The following COP1 variants were observed in gnomAD, a reference collection of about 807,000 sequenced individuals.
COP1 encodes COP1 E3 ubiquitin ligase.
Under a neutral mutation model 101.3 loss-of-function variants are expected in COP1, and 24 were observed. That is an observed-to-expected ratio of 0.24 (90% CI 0.17 to 0.33). The LOEUF is 0.33. Among genes scored for constraint, COP1 ranks in the 10% least tolerant of loss-of-function variants. The pLI is 1.00. For synonymous variants in COP1, 347 were observed against 341.9 expected (o/e 1.01, Z -0.17); for missense variants, 663 against 906.2 (o/e 0.73, Z 3.45).
At chr1:176,042,730 C>CAAAAAAAAAAAAAAAAAAA (rs35637870) in intron 14 of COP1, among the ~76,000 whole-genome samples, 1 of 49,654 alleles carries the variant, frequency 2.0e-5, no homozygotes, top group Non-Finnish European at 3.7e-5. Context: ...AACTCTATCT[C>CAAAAAAAAAAAAAAAAAAA]AAAAAAAAAA....
intron 9 of COP1, among the ~76,000 whole-genome samples, chr1:176,096,419 C>T (rs373048934): frequency 5.3e-5 from 8 of 152,206 alleles, no homozygotes; most frequent in Admixed American, 2.0e-4. Flanking sequence ...GGGTGCATGG[C>T]CATGTCTGCC....
In COP1 at chr1:176,093,976, T is replaced by C. The variant is rs186339295; in HGVS notation, c.1027-8086A>G. Among the ~76,000 whole-genome samples, 497 of 151,738 alleles carry C rather than the reference T, an allele frequency of 3.3e-3. 7 individuals are homozygous for C. Among genetic ancestry groups the C allele is most frequent in the Non-Finnish European group, 2.0e-3 (134 of 67,970 alleles). ...AAGCGGAGGTTGTAGTAAGCTGAGA[T>C]TGTGCCACTGCACTCCAGCCTGGAG... On this transcript the variant is annotated intron_variant, in intron 9 of 19. Transcript: ENST00000367669.
At chr1:176,206,274 T>G in intron 1 of COP1, 3 of 395,334 alleles carry the variant, frequency 7.6e-6, no homozygotes, top group East Asian at 5.3e-5. Flanking sequence ...TCCAAAACCA[T>G]TTATTTGACC....
chr1:176,178,667 C>G (rs1463420784), intron 2 of COP1, among the ~76,000 whole-genome samples: 2 of 151,958 alleles, frequency 1.3e-5, no homozygotes, highest in African/African-American at 4.8e-5. Context: ...GCCTGCCCAA[C>G]ATGGCAAAAC....
chr1:176,151,749 ATGGCAAGT>A (rs1447500417), intron 5 of COP1, among the ~76,000 whole-genome samples: 11 of 152,204 alleles, frequency 7.2e-5, no homozygotes, highest in Non-Finnish European at 1.2e-4. Context: ...CTTCGGTTAT[ATGGCAAGT>A]TAGATGTCTT....
intron 9 of COP1, among the ~76,000 whole-genome samples, chr1:176,095,075 A>G (rs1448413861): frequency 6.6e-6 from 1 of 152,244 alleles, no homozygotes; most frequent in Non-Finnish European, 1.5e-5. Context: ...AAATTTTTCC[A>G]ATCTACAAAT....
At chr1:176,203,992 T>C (rs1308173136) in intron 1 of COP1, among the ~76,000 whole-genome samples, 2 of 151,652 alleles carry the variant, frequency 1.3e-5, no homozygotes, top group African/African-American at 2.4e-5. Flanking sequence ...GAAAAGGGAG[T>C]GGTGAGGGAT....
intron 15 of COP1, among the ~76,000 whole-genome samples, chr1:176,007,088 T>C (rs1186320129): frequency 2.6e-5 from 4 of 152,324 alleles, no homozygotes; most frequent in African/African-American, 9.6e-5. Flanking sequence ...TCTCGCTTCA[T>C]TTCATTCATC....
intron 9 of COP1, among the ~76,000 whole-genome samples, chr1:176,088,270 A>G (rs1209921437): frequency 6.6e-6 from 1 of 152,016 alleles, no homozygotes; most frequent in Admixed American, 6.5e-5. Flanking sequence ...AAAAAGAATG[A>G]GCTGCTGATA....
chr1:176,127,890 T>A (rs1187368966), intron 8 of COP1, among the ~76,000 whole-genome samples: 2 of 152,092 alleles, frequency 1.3e-5, no homozygotes, highest in Admixed American at 6.6e-5. Context: ...TTTCTCCACA[T>A]CCTCATCAAC....
At chr1:176,109,443 G>A (rs572119197) in intron 9 of COP1, among the ~76,000 whole-genome samples, 16 of 151,944 alleles carry the variant, frequency 1.1e-4, no homozygotes, top group Non-Finnish European at 2.4e-4. Flanking sequence ...ATTACTTTTT[G>A]GTAGATTTTA....
At chr1:176,014,416 T>C (rs1665252602) in intron 15 of COP1, among the ~76,000 whole-genome samples, 1 of 152,204 alleles carries the variant, frequency 6.6e-6, no homozygotes, top group Non-Finnish European at 1.5e-5. Flanking sequence ...CCTTTATCTC[T>C]ATTAAATGGA....
chr1:175,975,481 C>T (rs985404103), intron 18 of COP1, among the ~76,000 whole-genome samples: 1 of 152,160 alleles, frequency 6.6e-6, no homozygotes, highest in Admixed American at 6.5e-5. Flanking sequence ...ACGATCTCGG[C>T]TCACTGCAAT....
chr1:176,109,970 T>C (rs536242907), intron 9 of COP1, among the ~76,000 whole-genome samples: 16 of 152,174 alleles, frequency 1.1e-4, no homozygotes, highest in African/African-American at 3.9e-4. Context: ...TCTGACCACA[T>C]TCCAGAAATT....
chr1:176,060,772 G>A (rs371577630), intron 11 of COP1, among the ~76,000 whole-genome samples: 1 of 152,078 alleles, frequency 6.6e-6, no homozygotes, highest in African/African-American at 2.4e-5. Context: ...ATTTCATCAT[G>A]TATATTTAAA....
At chr1:176,057,994 AGAGG>A (rs1673955905) in intron 11 of COP1, among the ~76,000 whole-genome samples, 1 of 81,198 alleles carries the variant, frequency 1.2e-5, no homozygotes, top group Non-Finnish European at 3.4e-5. Context: ...GCCCCGTCTG[AGAGG>A]TGAGGAGCCC....
chr1:175,995,650 A>T, intron 15 of COP1, among the ~76,000 whole-genome samples: 1 of 152,212 alleles, frequency 6.6e-6, no homozygotes, highest in African/African-American at 2.4e-5. Flanking sequence ...AATCTAGAAC[A>T]AATGGATAAA....
chr1:176,148,923 T>C (rs1055484887), intron 6 of COP1, 83 bp downstream of exon 6: 1 of 882,418 alleles, frequency 1.1e-6, no homozygotes, highest in Non-Finnish European at 1.7e-6. Context: ...TAAAGAAATT[T>C]TTTAGCCTGA....
At chr1:176,115,029 T>G (rs755828819) in intron 9 of COP1, among the ~76,000 whole-genome samples, 9 of 152,176 alleles carry the variant, frequency 5.9e-5, no homozygotes, top group Non-Finnish European at 1.3e-4. Flanking sequence ...AAAGGCTGAA[T>G]GAGAATGATA....
Sources: allele counts gnomAD v4.1 joint callset (sites outside exome capture counted in the v4.1 genomes callset), GRCh38; gene constraint gnomAD v4.1.1; transcripts MANE v1.5; gene names NCBI Gene and HGNC (gene_info 2026-07-23, HGNC 2026-07-21).